STPG2: variants seen among roughly 807,000 people sequenced by gnomAD.
STPG2 encodes the protein sperm tail PG-rich repeat containing 2, also known as sperm-tail PG-rich repeat-containing protein 2.
Under a neutral mutation model 54.2 loss-of-function variants are expected in STPG2, and 56 were observed. That is an observed-to-expected ratio of 1.03 (90% CI 0.83 to 1.29). STPG2 has a LOEUF of 1.29. STPG2 is among the 50% of genes most tolerant of loss of function. STPG2 has a pLI of 0.00. For missense variants in STPG2, 596 were observed against 544.9 expected, an observed-to-expected ratio of 1.09 and a Z score of -0.93; for synonymous variants, 200 against 181.8, an observed-to-expected ratio of 1.10 and a Z score of -0.81.
At chr4:97,628,347 G>T (rs1274006433) in intron 10 of STPG2, among the ~76,000 whole-genome samples, 3 of 151,980 alleles carry the variant, frequency 2.0e-5, no homozygotes, top group Non-Finnish European at 4.4e-5. Flanking sequence ...ATGTTACCTT[G>T]CTCAAAAAAT....
chr4:97,851,341 T>C (rs555301118), intron 8 of STPG2, among the ~76,000 whole-genome samples: 1 of 152,272 alleles, frequency 6.6e-6, no homozygotes, highest in East Asian at 1.9e-4. Flanking sequence ...CATGAATGAG[T>C]CTAACAGTAT....
intron 10 of STPG2, among the ~76,000 whole-genome samples, chr4:97,587,019 A>C (rs1733019023): frequency 6.6e-6 from 1 of 151,964 alleles, no homozygotes; most frequent in East Asian, 1.9e-4. Flanking sequence ...TATGTATGGC[A>C]ATTATCAAAG....
intron 10 of STPG2, among the ~76,000 whole-genome samples, chr4:97,687,027 G>A (rs1396793606): frequency 2.0e-5 from 3 of 151,170 alleles, no homozygotes; most frequent in Non-Finnish European, 4.4e-5. Context: ...TGCAAGCTCC[G>A]CCTCCCGGGT....
chr4:97,814,416 C>T (rs144558170), intron 9 of STPG2, among the ~76,000 whole-genome samples: 1,925 of 152,254 alleles, frequency 0.013, 32 homozygotes, highest in African/African-American at 0.044. Context: ...ACAACCTCTG[C>T]TTCCCAGGTT....
chr4:97,972,584 A>C, intron 6 of STPG2, 144 bp from the exon 7 acceptor site: 2 of 489,018 alleles, frequency 4.1e-6, no homozygotes, highest in Non-Finnish European at 6.8e-6. Context: ...GCATAGTCGC[A>C]TTTTAAAATT....
At chr4:97,542,516 T>C (rs1182165354) in intron 4 of STPG2, among the ~76,000 whole-genome samples, 2 of 152,172 alleles carry the variant, frequency 1.3e-5, no homozygotes, top group African/African-American at 4.8e-5. Context: ...TTTTACACTG[T>C]TGGTGGGACT....
intron 8 of STPG2, among the ~76,000 whole-genome samples, chr4:97,898,668 C>T (rs958267663): frequency 2.6e-5 from 4 of 151,422 alleles, no homozygotes; most frequent in Non-Finnish European, 4.4e-5. Context: ...CATGACACTG[C>T]CTACCATATA....
At chr4:98,139,066 T>A (rs574331517) in intron 1 of STPG2, among the ~76,000 whole-genome samples, 71 of 152,224 alleles carry the variant, frequency 4.7e-4, no homozygotes, top group African/African-American at 1.6e-3. Context: ...TCTCAGGTAA[T>A]CTTAAGAAAT....
At chr4:98,008,396 G>A (rs932208117) in intron 5 of STPG2, among the ~76,000 whole-genome samples, 3 of 151,980 alleles carry the variant, frequency 2.0e-5, no homozygotes, top group African/African-American at 2.4e-5. Flanking sequence ...AGAAGCAAAT[G>A]TTGAGGGAAC....
chr4:97,647,423 T>C (rs1450279408), intron 10 of STPG2, among the ~76,000 whole-genome samples: 1 of 152,146 alleles, frequency 6.6e-6, no homozygotes, highest in East Asian at 1.9e-4. Flanking sequence ...AGCAAGAATT[T>C]GCACTTCTAA....
chr4:97,562,724 G>T (rs780428648), intron 10 of STPG2, among the ~76,000 whole-genome samples: 1 of 152,010 alleles, frequency 6.6e-6, no homozygotes, highest in African/African-American at 2.4e-5. Context: ...CTTTGCTTCT[G>T]TTTATATGCT....
intron 10 of STPG2, among the ~76,000 whole-genome samples, chr4:97,646,119 A>G (rs962903328): frequency 1.3e-5 from 2 of 152,178 alleles, no homozygotes; most frequent in African/African-American, 4.8e-5. Flanking sequence ...TGGTTTAAGT[A>G]GACCCTAACT....
intron 4 of STPG2, among the ~76,000 whole-genome samples, chr4:97,548,039 A>G (rs1447328098): frequency 6.6e-6 from 1 of 151,762 alleles, no homozygotes; most frequent in Admixed American, 6.6e-5. Flanking sequence ...AATCCCAGCT[A>G]CTCGGGAGGC....
chr4:97,964,118 G>A (rs1175119604), intron 7 of STPG2, among the ~76,000 whole-genome samples: 1 of 152,140 alleles, frequency 6.6e-6, no homozygotes, highest in Non-Finnish European at 1.5e-5. Context: ...CAGTTTCACA[G>A]AAAAATGCAA....
chr4:97,636,618 G>C (rs1364948090), intron 10 of STPG2, among the ~76,000 whole-genome samples: 1 of 150,918 alleles, frequency 6.6e-6, no homozygotes, highest in Non-Finnish European at 1.5e-5. Context: ...GAAAAAAAGA[G>C]AGAAGAATCA....
Position 98,134,309 on chromosome 4 carries a change from T to C in STPG2, c.222+38A>G, listed in dbSNP as rs79064209. ...TTTGGTCTATTCAGGGAAGAAAACA[T>C]GGTTTTATTAAGTCAATTATAGTAA... On this transcript the variant is annotated intron_variant, in intron 2 of 10. Coordinates refer to ENST00000295268, the MANE Select transcript of STPG2 (RefSeq NM_174952.3). 1.8e-4 allele frequency: 226 copies of C among 1,256,846 alleles called. 1 individual carries two copies. In the African/African-American group the frequency reaches 3.3e-3, roughly 18 times the overall value. The allele number at this position is 1,256,846 out of a possible 1,614,324, so 77.9% of individuals were successfully genotyped here.
chr4:97,778,034 T>C (rs1726438538), intron 9 of STPG2, among the ~76,000 whole-genome samples: 1 of 151,898 alleles, frequency 6.6e-6, no homozygotes, highest in African/African-American at 2.4e-5. Context: ...AGGTACTGGG[T>C]TCATCTCGCT....
At chr4:98,127,770 ACT>A (rs1739869746) in intron 3 of STPG2, among the ~76,000 whole-genome samples, 1 of 152,174 alleles carries the variant, frequency 6.6e-6, no homozygotes, top group South Asian at 2.1e-4. Context: ...TGAAATTTAA[ACT>A]CTGGATGAAA....
At chr4:98,089,173 C>T (rs1738611430) in intron 5 of STPG2, among the ~76,000 whole-genome samples, 1 of 151,944 alleles carries the variant, frequency 6.6e-6, no homozygotes, top group South Asian at 2.1e-4. Flanking sequence ...GTATACTGTA[C>T]CCAGTAGGTA....
Sources: gnomAD v4.1 joint callset for allele counts (sites outside exome capture counted in the v4.1 genomes callset) on GRCh38, gnomAD v4.1.1 for gene constraint, MANE v1.5 for transcripts, NCBI Gene and HGNC (gene_info 2026-07-23, HGNC 2026-07-21) for gene names.